Variants in GSK3B observed in about 807,000 individuals in gnomAD.
GSK3B encodes the protein glycogen synthase kinase-3 beta.
In GSK3B, 15 loss-of-function variants were observed where a neutral mutation model predicts 56.4. The ratio of observed to expected loss-of-function variants is 0.27; its 90% CI spans 0.18 to 0.41. The LOEUF is 0.41. Among genes scored for constraint, GSK3B ranks in the 10% least tolerant of loss-of-function variants. The pLI, the probability that GSK3B is intolerant of heterozygous loss-of-function variation, is 1.00. For missense variants in GSK3B, 300 were observed against 513.4 expected, an observed-to-expected ratio of 0.58 and a Z score of 4.02; for synonymous variants, 181 against 188.9, an observed-to-expected ratio of 0.96 and a Z score of 0.34.
intron 1 of GSK3B, among the ~76,000 whole-genome samples, chr3:120,027,029 C>T (rs2057933806): frequency 6.8e-6 from 1 of 146,504 alleles, no homozygotes; most frequent in South Asian, 2.2e-4. Flanking sequence ...TGAGATCGCA[C>T]CATTGCAGTC....
At chr3:119,932,368 G>A (rs897030590) in intron 3 of GSK3B, among the ~76,000 whole-genome samples, 1 of 152,086 alleles carries the variant, frequency 6.6e-6, no homozygotes, top group African/African-American at 2.4e-5. Flanking sequence ...TGTGGATTAG[G>A]TAAGAGAATA....
intron 7 of GSK3B, among the ~76,000 whole-genome samples, chr3:119,889,638 CAAAGG>C (rs999643871): frequency 2.6e-5 from 4 of 151,882 alleles, no homozygotes; most frequent in Non-Finnish European, 5.9e-5. Flanking sequence ...AAAAACAGAG[CAAAGG>C]AAAGATGGGA....
chr3:119,985,506 G>A (rs182027083), intron 2 of GSK3B, among the ~76,000 whole-genome samples: 4 of 152,094 alleles, frequency 2.6e-5, no homozygotes, highest in African/African-American at 7.2e-5. Flanking sequence ...CAAAATCAAC[G>A]TGCAAAAATC....
In GSK3B at chr3:120,076,813, CAAAAAAAAAAAAAA is replaced by C. The variant is rs202058386; in HGVS notation, c.88+16520_88+16533del. On this transcript the variant is annotated intron_variant, in intron 1 of 10. Transcript: ENST00000264235. ...TGGGCGACAGAGCGAAACTCCGTCT[CAAAAAAAAAAAAAA>C]AAAAAAAAAAAATGGGCAAAGGAGG... Among the ~76,000 whole-genome samples the C allele has an allele frequency of 8.8e-5, 4 of 45,588 alleles. No individual in the cohort carries two copies. In the Admixed American group the frequency reaches 1.0e-3, roughly 11 times the overall value. The allele number at this position is 45,588 out of a possible 152,430, so 29.9% of individuals were successfully genotyped here.
At chr3:120,057,280 T>C (rs1488928545) in intron 1 of GSK3B, among the ~76,000 whole-genome samples, 2 of 152,182 alleles carry the variant, frequency 1.3e-5, no homozygotes, top group East Asian at 3.8e-4. Flanking sequence ...GAAAAACAGG[T>C]CGCCAGATAA....
At chr3:120,068,693 C>T (rs998492521) in intron 1 of GSK3B, among the ~76,000 whole-genome samples, 1 of 151,594 alleles carries the variant, frequency 6.6e-6, no homozygotes, top group Non-Finnish European at 1.5e-5. Context: ...GAGTGAGGCC[C>T]TGTCTCAAAA....
intron 2 of GSK3B, among the ~76,000 whole-genome samples, chr3:119,952,165 T>C (rs1319724629): frequency 5.3e-5 from 8 of 151,968 alleles, no homozygotes; most frequent in African/African-American, 1.7e-4. Context: ...CCAAATTTGC[T>C]GAAAACCACT....
At chr3:120,057,703 T>G (rs1479085211) in intron 1 of GSK3B, among the ~76,000 whole-genome samples, 1 of 152,150 alleles carries the variant, frequency 6.6e-6, no homozygotes, top group Non-Finnish European at 1.5e-5. Flanking sequence ...GCCTAGAAAT[T>G]TTAGGTATGT....
At chr3:119,901,264 CT>C (rs1478305586) in intron 7 of GSK3B, among the ~76,000 whole-genome samples, 1 of 152,084 alleles carries the variant, frequency 6.6e-6, no homozygotes, top group Non-Finnish European at 1.5e-5. Flanking sequence ...TGAGAAGCCC[CT>C]AATGGAATTT....
chr3:120,070,444 T>C (rs115941008), intron 1 of GSK3B, among the ~76,000 whole-genome samples: 3 of 151,944 alleles, frequency 2.0e-5, no homozygotes, highest in Admixed American at 6.6e-5. Context: ...GTAGTTACTA[T>C]CACCACTTCC....
chr3:120,050,250 C>T (rs1358873594), intron 1 of GSK3B, among the ~76,000 whole-genome samples: 1 of 152,158 alleles, frequency 6.6e-6, no homozygotes, highest in African/African-American at 2.4e-5. Flanking sequence ...AGGGATCCAC[C>T]CCCCATGAAA....
chr3:119,996,581 A>T lies in GSK3B; in HGVS notation c.282+5465T>A, dbSNP rs376574332. Among the ~76,000 whole-genome samples the T allele has an allele frequency of 4.0e-5, 6 of 151,578 alleles. 1 individual carries two copies. The East Asian group carries it at 9.7e-4, about 24-fold the overall frequency. On this transcript the variant is annotated intron_variant, in intron 2 of 10. Coordinates refer to ENST00000264235, the MANE Select transcript of GSK3B (RefSeq NM_001146156.2). Reference sequence around the variant, plus strand: ...TTTTACCCTATGCTACCCAATATAAATAGTTTTATTTAGTGTTTTTTTTTT... The same window carrying T: ...TTTTACCCTATGCTACCCAATATAATTAGTTTTATTTAGTGTTTTTTTTTT...
At chr3:119,943,756 A>G (rs1273070477) in intron 3 of GSK3B, among the ~76,000 whole-genome samples, 1 of 152,042 alleles carries the variant, frequency 6.6e-6, no homozygotes, top group Non-Finnish European at 1.5e-5. Context: ...GAAATAAGAG[A>G]GGGAGAGAGA....
chr3:120,036,273 C>A (rs1016352869), intron 1 of GSK3B, among the ~76,000 whole-genome samples: 3 of 152,038 alleles, frequency 2.0e-5, no homozygotes, highest in Non-Finnish European at 2.9e-5. Flanking sequence ...GTATAACTTA[C>A]CAAAGAAAGT....
Position 119,887,241 on chromosome 3 carries a change from A to G in GSK3B, c.814-10733T>C, listed in dbSNP as rs942369308. On this transcript the variant is annotated intron_variant, in intron 7 of 10. Transcript: ENST00000264235. ...TAGACTTCTGCATCTAGCTGTGATGAAATAACGAACACTGAAACTGCCCTC... is the reference window on the plus strand; with the variant it reads ...TAGACTTCTGCATCTAGCTGTGATGGAATAACGAACACTGAAACTGCCCTC... 5.3e-5 allele frequency among the ~76,000 whole-genome samples: 8 copies of G among 152,116 alleles called. 1 individual carries two copies. The highest frequency in any genetic ancestry group is 5.2e-4 in the Admixed American group (8 of 15,256).
At chr3:119,900,467 T>C (rs2056614089) in intron 7 of GSK3B, among the ~76,000 whole-genome samples, 2 of 152,122 alleles carry the variant, frequency 1.3e-5, no homozygotes, top group African/African-American at 2.4e-5. Flanking sequence ...ATCCAGAAAT[T>C]AAACTCTGGA....
At chr3:120,081,749 A>G (rs1055515326) in intron 1 of GSK3B, among the ~76,000 whole-genome samples, 20 of 152,196 alleles carry the variant, frequency 1.3e-4, no homozygotes, top group Non-Finnish European at 2.6e-4. Flanking sequence ...CAGAAAATAC[A>G]AAGATGCATA....
At chr3:119,933,463 CATAAAATTTGTG>C (rs2056966117) in intron 3 of GSK3B, among the ~76,000 whole-genome samples, 1 of 152,174 alleles carries the variant, frequency 6.6e-6, no homozygotes, top group East Asian at 1.9e-4. Context: ...CTCGTGCATG[CATAAAATTTGTG>C]AAGAGCAAGA....
At chr3:120,081,921 T>A (rs983017609) in intron 1 of GSK3B, among the ~76,000 whole-genome samples, 1 of 152,088 alleles carries the variant, frequency 6.6e-6, no homozygotes, top group Non-Finnish European at 1.5e-5. Flanking sequence ...ACTAAAGAGG[T>A]GGCATTTGAG....
Sources: allele counts gnomAD v4.1 joint callset (sites outside exome capture counted in the v4.1 genomes callset), GRCh38; gene constraint gnomAD v4.1.1; transcripts MANE v1.5; gene names NCBI Gene and HGNC (gene_info 2026-07-23, HGNC 2026-07-21).